The following SNTG2 variants were observed in gnomAD, a reference collection of about 807,000 sequenced individuals.
SNTG2 encodes gamma-2-syntrophin.
Under a neutral mutation model 70.9 loss-of-function variants are expected in SNTG2, and 74 were observed. The ratio of observed to expected loss-of-function variants is 1.04; its 90% CI spans 0.86 to 1.27. SNTG2 has a LOEUF of 1.27. Among genes scored for constraint, SNTG2 ranks in the 50% most tolerant of loss-of-function variants. SNTG2 has a pLI of 0.00. For missense variants in SNTG2, 717 were observed against 690.7 expected (o/e 1.04, Z -0.43); for synonymous variants, 278 against 273.8 (o/e 1.02, Z -0.15).
chr2:1,342,325 A>T, intron 16 of SNTG2, among the ~76,000 whole-genome samples: 1 of 113,572 alleles, frequency 8.8e-6, no homozygotes, highest in Non-Finnish European at 1.8e-5. Context: ...TTAATTTGGG[A>T]AGCAGGACAT....
At chr2:973,263 TTTG>T (rs1244964581) in intron 1 of SNTG2, among the ~76,000 whole-genome samples, 1 of 152,190 alleles carries the variant, frequency 6.6e-6, no homozygotes, top group Non-Finnish European at 1.5e-5. Flanking sequence ...TCTCTCAGCT[TTTG>T]TTGTTCTGAA....
chr2:1,307,748 C>T (rs1680766288), intron 14 of SNTG2, among the ~76,000 whole-genome samples: 1 of 152,228 alleles, frequency 6.6e-6, no homozygotes. Flanking sequence ...GCACAAATCT[C>T]GCTTTCAACC....
intron 16 of SNTG2, among the ~76,000 whole-genome samples, chr2:1,328,608 A>G (rs1042800981): frequency 1.3e-5 from 2 of 152,176 alleles, no homozygotes; most frequent in Non-Finnish European, 2.9e-5. Context: ...ATCTTAGAGG[A>G]GACAGATGGA....
At chr2:1,329,691 A>G (rs1011074751) in intron 16 of SNTG2, among the ~76,000 whole-genome samples, 3 of 152,234 alleles carry the variant, frequency 2.0e-5, no homozygotes, top group Non-Finnish European at 4.4e-5. Context: ...CACTTTCCTG[A>G]AAACAAAAGT....
intron 1 of SNTG2, among the ~76,000 whole-genome samples, chr2:1,024,001 C>T (rs577906257): frequency 2.6e-5 from 4 of 152,218 alleles, no homozygotes; most frequent in South Asian, 2.1e-4. Flanking sequence ...CAGGGGTTGG[C>T]GAACCTTTCT....
At chr2:961,242 T>C (rs1448826423) in intron 1 of SNTG2, among the ~76,000 whole-genome samples, 1 of 152,234 alleles carries the variant, frequency 6.6e-6, no homozygotes, top group Non-Finnish European at 1.5e-5. Context: ...TGTCTTGCTC[T>C]GTTACCCAGG....
chr2:1,273,094 T>C (rs1271479402), intron 14 of SNTG2, among the ~76,000 whole-genome samples: 1 of 152,188 alleles, frequency 6.6e-6, no homozygotes, highest in African/African-American at 2.4e-5. Context: ...TGCCAAGTCC[T>C]GACGAGCACG....
At chr2:1,035,872 T>C (rs573819997) in intron 1 of SNTG2, among the ~76,000 whole-genome samples, 3 of 152,354 alleles carry the variant, frequency 2.0e-5, no homozygotes, top group Admixed American at 2.0e-4. Flanking sequence ...TTTGTCTACA[T>C]GGGAAATCTA....
At chr2:1,143,876 C>T (rs920917985) in intron 6 of SNTG2, among the ~76,000 whole-genome samples, 7 of 142,160 alleles carry the variant, frequency 4.9e-5, no homozygotes, top group Admixed American at 2.1e-4. Flanking sequence ...CTGTCTCAAA[C>T]AACAAACAAC....
At chr2:1,001,798 G>T (rs1659402993) in intron 1 of SNTG2, among the ~76,000 whole-genome samples, 1 of 151,992 alleles carries the variant, frequency 6.6e-6, no homozygotes, top group Non-Finnish European at 1.5e-5. Context: ...AAAAGAGGCT[G>T]AATAGCCAAG....
intron 4 of SNTG2, among the ~76,000 whole-genome samples, chr2:1,136,865 A>G (rs1262823401): frequency 2.0e-5 from 3 of 152,156 alleles, no homozygotes; most frequent in African/African-American, 7.2e-5. Flanking sequence ...GTTGCCTTTA[A>G]TATTCTAGGT....
chr2:1,115,803 A>G (rs1327716272), intron 4 of SNTG2, among the ~76,000 whole-genome samples: 3 of 152,232 alleles, frequency 2.0e-5, no homozygotes, highest in Non-Finnish European at 2.9e-5. Flanking sequence ...GAGGAGGATA[A>G]GAAGAGTCTC....
intron 16 of SNTG2, among the ~76,000 whole-genome samples, chr2:1,321,200 G>A (rs1445299149): frequency 2.0e-5 from 3 of 152,174 alleles, no homozygotes; most frequent in Non-Finnish European, 4.4e-5. Context: ...TCATTAAAAT[G>A]AGATACCTTA....
chr2:1,317,914 C>T (rs191247244), intron 16 of SNTG2, among the ~76,000 whole-genome samples: 1 of 152,286 alleles, frequency 6.6e-6, no homozygotes, highest in Non-Finnish European at 1.5e-5. Context: ...CTAAAATGTA[C>T]AAGCTTCTTA....
intron 14 of SNTG2, among the ~76,000 whole-genome samples, chr2:1,307,599 C>T (rs554061197): frequency 1.6e-4 from 24 of 152,272 alleles, no homozygotes; most frequent in Admixed American, 1.5e-3. Context: ...ATTTCTCCAG[C>T]TCAAAGCAAT....
intron 4 of SNTG2, among the ~76,000 whole-genome samples, chr2:1,109,193 C>G (rs948230678): frequency 2.0e-5 from 3 of 151,886 alleles, no homozygotes; most frequent in African/African-American, 7.3e-5. Context: ...GTCCCCTAAG[C>G]CCCTTTTATT....
chr2:1,117,404 A>G (rs1667085407), intron 4 of SNTG2, among the ~76,000 whole-genome samples: 2 of 152,192 alleles, frequency 1.3e-5, no homozygotes, highest in African/African-American at 4.8e-5. Flanking sequence ...TTTTACTATT[A>G]TCTTTCCTTT....
chr2:998,337 T>C (rs1390209880), intron 1 of SNTG2, among the ~76,000 whole-genome samples: 2 of 151,778 alleles, frequency 1.3e-5, no homozygotes, highest in African/African-American at 4.8e-5. Flanking sequence ...GAATACAAAC[T>C]ATTGATTCTA....
intron 4 of SNTG2, among the ~76,000 whole-genome samples, chr2:1,109,353 AC>A (rs1666290822): frequency 2.6e-5 from 4 of 152,098 alleles, no homozygotes; most frequent in Non-Finnish European, 1.5e-5. Context: ...GCTCCATATA[AC>A]ACACAGAGAA....
Sources: gnomAD v4.1 joint callset for allele counts (sites outside exome capture counted in the v4.1 genomes callset) on GRCh38, gnomAD v4.1.1 for gene constraint, MANE v1.5 for transcripts, NCBI Gene and HGNC (gene_info 2026-07-23, HGNC 2026-07-21) for gene names.